The following OTOL1 variants were observed in gnomAD, a reference collection of about 807,000 sequenced individuals.
OTOL1 encodes otolin 1, also known as otolin-1.
OTOL1 carries 31 observed loss-of-function variants against 25.0 expected under a neutral mutation model. That is an observed-to-expected ratio of 1.24 (90% CI 0.93 to 1.67). The LOEUF (loss-of-function observed/expected upper bound fraction) is 1.67. OTOL1 is among the 40% of genes most tolerant of loss of function. The pLI is 0.00. For synonymous variants in OTOL1, 225 were observed against 210.3 expected, an observed-to-expected ratio of 1.07 and a Z score of -0.61; for missense variants, 654 against 587.7, an observed-to-expected ratio of 1.11 and a Z score of -1.17.
chr3:161,502,201 C>A (rs1718990778), intron 2 of OTOL1, 106 bp from the exon 3 acceptor site: 2 of 1,009,170 alleles, frequency 2.0e-6, no homozygotes, highest in Admixed American at 2.1e-5. Context: ...AACTTTAGCC[C>A]ATTTTGGTTA....
At chr3:161,502,530 G>A (rs1201089984) in intron 3 of OTOL1, among the ~76,000 whole-genome samples, 161 bp downstream of exon 3, 1 of 152,156 alleles carries the variant, frequency 6.6e-6, no homozygotes, top group African/African-American at 2.4e-5. Flanking sequence ...AGGAGAACCA[G>A]TCTAGGAATT....
chr3:161,497,514 C>T (rs1718865425), intron 1 of OTOL1, among the ~76,000 whole-genome samples: 1 of 152,082 alleles, frequency 6.6e-6, no homozygotes, highest in Admixed American at 6.6e-5. Flanking sequence ...CAGGAATTAC[C>T]AACTCCAGCA....
In OTOL1 at chr3:161,503,804, CT is replaced by C. The variant is rs1219035195; in HGVS notation, c.1298del (p.Leu433Ter). The C allele has an allele frequency of 6.2e-7, 1 of 1,613,818 alleles. No individual in the cohort carries two copies. Among genetic ancestry groups the C allele is most frequent in the Non-Finnish European group, 8.5e-7 (1 of 1,179,894 alleles). On this transcript the variant is annotated frameshift_variant, in exon 4 of 4. Transcript: ENST00000327928. LOFTEE classifies it high-confidence loss of function. ...TAGACCAGGCCTCTCTCCTCGTCAT[CT>C]TGAAATTAAGTGCAGGAGACCAAGT... ...EIDQASLLVI[L>X]KLSAGDQVWL...
chr3:161,499,371 T>A, intron 2 of OTOL1, 111 bp downstream of exon 2: 1 of 754,776 alleles, frequency 1.3e-6, no homozygotes, highest in Non-Finnish European at 2.2e-6. Context: ...TTTAAAAATG[T>A]AAATACTTGA....
chr3:161,502,972 A>G, intron 3 of OTOL1, 54 bp from the exon 4 acceptor site: 1 of 1,236,180 alleles, frequency 8.1e-7, no homozygotes, highest in Non-Finnish European at 1.0e-6. Context: ...TGGTAATAGC[A>G]TGCTGTTTAT....
chr3:161,502,115 G>A (rs1188339607), intron 2 of OTOL1, among the ~76,000 whole-genome samples, 192 bp from the exon 3 acceptor site: 1 of 152,190 alleles, frequency 6.6e-6, no homozygotes. Context: ...TGATCCACCC[G>A]CCTCGGCCTC....
At position 161,503,750 on chromosome 3, in the gene OTOL1, G is replaced by A. The variant is rs777344216; in HGVS notation, c.1242G>A (p.Lys414=). The part of the protein sequence containing the change: ...SLVAQNKKQF[K]SRETLYGQEI... Reference sequence around the variant, plus strand: ...TGGCCCAGAATAAGAAGCAGTTCAAGTCCAGAGAAACTCTCTATGGTCAGG... The same window carrying A: ...TGGCCCAGAATAAGAAGCAGTTCAAATCCAGAGAAACTCTCTATGGTCAGG... Residue 414 remains lysine, a synonymous_variant, in exon 4 of 4, where the codon AAG becomes AAA. Transcript: ENST00000327928. 1 of 1,613,888 alleles carries A rather than the reference G, an allele frequency of 6.2e-7. No individual in the cohort carries two copies. Among genetic ancestry groups the A allele is most frequent in the Non-Finnish European group, 8.5e-7 (1 of 1,179,864 alleles).
chr3:161,502,046 T>A (rs1718986029), intron 2 of OTOL1, among the ~76,000 whole-genome samples: 1 of 152,146 alleles, frequency 6.6e-6, no homozygotes, highest in African/African-American at 2.4e-5. Context: ...TTTTGTATTT[T>A]TTGTAGAGAT....
At chr3:161,501,669 G>A (rs1010698465) in intron 2 of OTOL1, among the ~76,000 whole-genome samples, 32 of 151,606 alleles carry the variant, frequency 2.1e-4, no homozygotes, top group African/African-American at 7.8e-4. Flanking sequence ...TATAAAGAAG[G>A]CATTTTAACT....
In OTOL1 at chr3:161,499,206, G is replaced by T. The variant is rs1479564605; in HGVS notation, c.400G>T (p.Gly134Trp). Residue 134 changes from glycine (G) to tryptophan (W), a missense_variant, in exon 2 of 4, where the codon GGG (glycine) becomes TGG (tryptophan). Gly to Trp is a radical substitution (Grantham distance 184). Transcript: ENST00000327928. The stretch of plus-strand genomic sequence containing the variant: ...AGAGGCTGGAAATTTGGGGATCCCA[G>T]GGCCACCAGGAGTTGTTGGGCCCCA... ...KGEAGNLGIP[G>W]PPGVVGPQGP... 1 of 1,611,506 alleles carries T rather than the reference G, an allele frequency of 6.2e-7. No individual in the cohort carries two copies.
chr3:161,497,599 G>A (rs767647248), intron 1 of OTOL1, among the ~76,000 whole-genome samples: 7 of 152,210 alleles, frequency 4.6e-5, no homozygotes, highest in Admixed American at 6.6e-5. Context: ...ATTTAAAAAG[G>A]GTAAATGAAA....
chr3:161,499,814 G>C lies in OTOL1; in HGVS notation c.454+554G>C, dbSNP rs985931621. Among the ~76,000 whole-genome samples the C allele has an allele frequency of 4.4e-4, 67 of 152,042 alleles. 1 individual carries two copies. The highest frequency in any genetic ancestry group is 1.0e-4 in the Non-Finnish European group (7 of 67,982). ...ATCAAGCTTATAATAATGACATTGG[G>C]CAAGTCATTTTCTTTCACCTGGAAA... On this transcript the variant is annotated intron_variant, in intron 2 of 3. Coordinates refer to ENST00000327928, the MANE Select transcript of OTOL1 (RefSeq NM_001080440.1).
Position 161,499,155 on chromosome 3 carries a change from A to T in OTOL1, c.365-16A>T. 6.3e-7 allele frequency: 1 copy of T among 1,583,204 alleles called. No individual in the cohort carries two copies. Among genetic ancestry groups the T allele is most frequent in the Non-Finnish European group, 8.6e-7 (1 of 1,159,664 alleles). On this transcript the variant is annotated splice_polypyrimidine_tract_variant and intron_variant, in intron 1 of 3. Transcript: ENST00000327928. ...AGAAATTTTATATTCTGATGTATTTAAAATCCCATTTCTAGGTCCTAAAGG... is the reference window on the plus strand; with the variant it reads ...AGAAATTTTATATTCTGATGTATTTTAAATCCCATTTCTAGGTCCTAAAGG...
Position 161,503,697 on chromosome 3 carries a change from A to AG in OTOL1, c.1194dup (p.Arg399AlafsTer12). The AG allele has an allele frequency of 3.1e-6, 5 of 1,613,696 alleles. No homozygotes were observed. Among genetic ancestry groups the AG allele is most frequent in the Non-Finnish European group, 4.2e-6 (5 of 1,179,760 alleles). On this transcript the variant is annotated frameshift_variant, in exon 4 of 4. Transcript: ENST00000327928. LOFTEE classifies it high-confidence loss of function. ...TGTTTTTTCCTACCATATTACGGTG[A>AG]GGGGGCGACCTGCTCGAATCAGTCT...
chr3:161,501,274 T>TA (rs900461609), intron 2 of OTOL1, among the ~76,000 whole-genome samples: 4 of 151,726 alleles, frequency 2.6e-5, no homozygotes, highest in South Asian at 2.1e-4. Flanking sequence ...CTGGATTAAG[T>TA]AAAAAAAAGG....
intron 1 of OTOL1, among the ~76,000 whole-genome samples, chr3:161,497,395 G>T: frequency 6.6e-6 from 1 of 152,060 alleles, no homozygotes; most frequent in East Asian, 1.9e-4. Flanking sequence ...CAGTTCATCA[G>T]TCACATTAGC....
rs1229121738 is a variant in OTOL1, at chr3:161,500,527, C to T, written c.454+1267C>T. Among the ~76,000 whole-genome samples the T allele has an allele frequency of 2.0e-5, 3 of 152,110 alleles. 1 individual carries two copies. The highest frequency in any genetic ancestry group is 7.2e-5 in the African/African-American group (3 of 41,418). Reference sequence around the variant, plus strand: ...TAGCAACTCTACTTTCCTTTCACTTCCAGACTTAGCTTGGACTCTTGGTTA... The same window carrying T: ...TAGCAACTCTACTTTCCTTTCACTTTCAGACTTAGCTTGGACTCTTGGTTA... On this transcript the variant is annotated intron_variant, in intron 2 of 3. Coordinates refer to ENST00000327928, the MANE Select transcript of OTOL1 (RefSeq NM_001080440.1).
chr3:161,502,298 T>C lies in OTOL1; in HGVS notation c.455-9T>C, dbSNP rs1718992395. On this transcript the variant is annotated splice_polypyrimidine_tract_variant and intron_variant, in intron 2 of 3. Coordinates refer to ENST00000327928, the MANE Select transcript of OTOL1 (RefSeq NM_001080440.1). ...AGTTGGTAAAAAGTTAATCTTGGTATCATCTTAGGACTCAAAGGAGAACGT... is the reference window on the plus strand; with the variant it reads ...AGTTGGTAAAAAGTTAATCTTGGTACCATCTTAGGACTCAAAGGAGAACGT... 1 of 1,610,498 alleles carries C rather than the reference T, an allele frequency of 6.2e-7. No homozygotes were observed. The highest frequency in any genetic ancestry group is 2.2e-5 in the East Asian group (1 of 44,804).
chr3:161,503,513 T>A lies in OTOL1; in HGVS notation c.1005T>A (p.Gly335=). 6.2e-7 allele frequency: 1 copy of A among 1,613,466 alleles called. No individual in the cohort carries two copies. Among genetic ancestry groups the A allele is most frequent in the African/African-American group, 1.3e-5 (1 of 74,898 alleles). The change falls in exon 4 of 4, where the codon GGT becomes GGA. Residue 335 remains glycine (G), a synonymous_variant. Transcript: ENST00000327928. ...KGSRGFKGSK[G]ELARVPRSAF... The stretch of plus-strand genomic sequence containing the variant: ...CTCGGGGCTTTAAAGGCTCCAAGGG[T>A]GAGTTGGCTAGAGTGCCCCGGTCGG...
Sources: allele counts gnomAD v4.1 joint callset (sites outside exome capture counted in the v4.1 genomes callset), GRCh38; gene constraint gnomAD v4.1.1; transcripts MANE v1.5; gene names NCBI Gene and HGNC (gene_info 2026-07-23, HGNC 2026-07-21).